ARMC8: variants seen among roughly 807,000 people sequenced by gnomAD.
The protein encoded by ARMC8 is armadillo repeat containing 8.
A neutral mutation model predicts 99.3 loss-of-function variants in ARMC8; 20 were observed. The observed-to-expected ratio is 0.20, with a 90% confidence interval of 0.14 to 0.29. The LOEUF (loss-of-function observed/expected upper bound fraction) is 0.29, where lower values mean the gene tolerates loss of function less well. ARMC8 is among the 10% of genes least tolerant of loss of function. The pLI is 1.00. For synonymous variants in ARMC8, 263 were observed against 278.3 expected (o/e 0.95, Z 0.55); for missense variants, 569 against 809.5 (o/e 0.70, Z 3.60).
chr3:138,277,007 C>T (rs1366289029), intron 18 of ARMC8, among the ~76,000 whole-genome samples: 9 of 152,108 alleles, frequency 5.9e-5, no homozygotes, highest in Admixed American at 5.9e-4. Context: ...TTCACAACAC[C>T]TTGTTTCAAG....
chr3:138,209,970 GA>G (rs2044602184), intron 2 of ARMC8, 77 bp downstream of exon 2: 4 of 1,119,942 alleles, frequency 3.6e-6, no homozygotes, highest in South Asian at 2.7e-5. Context: ...TTTTAATTTT[GA>G]AAATACAGGG....
rs148029712 is a variant in ARMC8 at position 138,292,656 on chromosome 3, G to A, written c.1988+2017G>A. Among the ~76,000 whole-genome samples, 461 of 152,270 alleles carry A rather than the reference G, an allele frequency of 3.0e-3. 6 individuals carry two copies. Among genetic ancestry groups the A allele is most frequent in the African/African-American group, 0.01 (419 of 41,550 alleles). On this transcript the variant is annotated intron_variant, in intron 21 of 21. Transcript: ENST00000469044. Reference sequence around the variant, plus strand: ...GGTGAGGAATATAGAAGTGGGTTGCGGTAGGGAGCATCAAGAGTTCTTGTT... The same window carrying A: ...GGTGAGGAATATAGAAGTGGGTTGCAGTAGGGAGCATCAAGAGTTCTTGTT...
rs2108306408 is a variant in ARMC8 at position 138,273,047 on chromosome 3, A to T, written c.1560A>T (p.Leu520Phe). 1 of 1,613,682 alleles carries T rather than the reference A, an allele frequency of 6.2e-7. No homozygotes were observed. The highest frequency in any genetic ancestry group is 8.5e-7 in the Non-Finnish European group (1 of 1,179,716). The change falls in exon 17 of 22, where the codon TTA becomes TTT. Residue 520 changes from leucine (L) to phenylalanine (F), a missense_variant. By Grantham distance (22) the Leu-to-Phe change is conservative. This residue lies in a region of ARMC8 where 227 missense variants were observed against 417.9 expected (regional missense o/e 0.54). Transcript: ENST00000469044. Reference protein sequence around the residue: ...SLSTEQLFRLLSDSDLNVLMK... With the variant: ...SLSTEQLFRLFSDSDLNVLMK... The stretch of plus-strand genomic sequence containing the variant: ...GTACTGAACAGCTATTCCGGTTATT[A>T]TCAGATTCAGATTTGAATGTGCTGA...
At chr3:138,223,165 T>C (rs771201600) in intron 3 of ARMC8, among the ~76,000 whole-genome samples, 9 of 152,216 alleles carry the variant, frequency 5.9e-5, no homozygotes, top group Non-Finnish European at 1.0e-4. Context: ...ATTTACACTT[T>C]TTATAAACTC....
intron 19 of ARMC8, chr3:138,287,907 T>G (rs2050580217): frequency 8.1e-6 from 2 of 246,404 alleles, no homozygotes; most frequent in Non-Finnish European, 1.6e-5. Flanking sequence ...GTTTATTTTA[T>G]TATTGAGTCC....
intron 6 of ARMC8, among the ~76,000 whole-genome samples, chr3:138,230,323 G>T (rs2045966955): frequency 6.6e-6 from 1 of 152,162 alleles, no homozygotes; most frequent in Admixed American, 6.6e-5. Flanking sequence ...CTGGCAAGTT[G>T]AGGAAGATGC....
chr3:138,228,650 A>G, intron 5 of ARMC8: 1 of 479,110 alleles, frequency 2.1e-6, no homozygotes, highest in Admixed American at 2.4e-5. Flanking sequence ...TTTTATCATG[A>G]GGATGTAGGC....
chr3:138,203,788 A>AAT (rs2044211009), intron 1 of ARMC8, among the ~76,000 whole-genome samples: 1 of 152,200 alleles, frequency 6.6e-6, no homozygotes, highest in African/African-American at 2.4e-5. Context: ...TCCACAATGG[A>AAT]ATACAACTCA....
chr3:138,286,115 G>T (rs1384090560), intron 19 of ARMC8, among the ~76,000 whole-genome samples: 1 of 152,048 alleles, frequency 6.6e-6, no homozygotes, highest in Non-Finnish European at 1.5e-5. Flanking sequence ...GCTAATTTTT[G>T]TATTTTTAGA....
Position 138,268,135 on chromosome 3 carries a change from C to T in ARMC8, c.1386+894C>T, listed in dbSNP as rs569282913. Among the ~76,000 whole-genome samples, 13 of 152,012 alleles carry T rather than the reference C, an allele frequency of 8.6e-5. No homozygotes were observed. The East Asian group carries it at 1.2e-3, about 14-fold the overall frequency. Reference sequence around the variant, plus strand: ...GTGCATGCTTGTAATCCCAGCTACTCGGGAGGCTGAGGCAAGAGAATCACT... The same window carrying T: ...GTGCATGCTTGTAATCCCAGCTACTTGGGAGGCTGAGGCAAGAGAATCACT... On this transcript the variant is annotated intron_variant, in intron 15 of 21. Transcript: ENST00000469044.
intron 21 of ARMC8, among the ~76,000 whole-genome samples, chr3:138,294,873 T>G (rs2051319781): frequency 6.6e-6 from 1 of 151,780 alleles, no homozygotes; most frequent in South Asian, 2.1e-4. Context: ...TTTGGTTTGT[T>G]TTTTGGGTTT....
At chr3:138,203,436 C>G (rs1040329613) in intron 1 of ARMC8, among the ~76,000 whole-genome samples, 1 of 152,216 alleles carries the variant, frequency 6.6e-6, no homozygotes, top group Non-Finnish European at 1.5e-5. Flanking sequence ...ACAGTGTCAT[C>G]TGAAGGCTCA....
chr3:138,195,248 G>T (rs1434543087), intron 1 of ARMC8, among the ~76,000 whole-genome samples: 1 of 149,160 alleles, frequency 6.7e-6, no homozygotes, highest in South Asian at 2.1e-4. Flanking sequence ...ACTGCAGTCC[G>T]CAGTCCGGCC....
At chr3:138,292,194 C>A (rs1424451545) in intron 21 of ARMC8, among the ~76,000 whole-genome samples, 1 of 152,116 alleles carries the variant, frequency 6.6e-6, no homozygotes, top group Non-Finnish European at 1.5e-5. Context: ...CCTGCCACCA[C>A]GCCCAGCTAA....
chr3:138,263,521 C>T (rs1296880156), intron 12 of ARMC8: 2 of 580,884 alleles, frequency 3.4e-6, no homozygotes, highest in Non-Finnish European at 6.2e-6. Flanking sequence ...ATAACCTGCC[C>T]CTTACGCCTG....
intron 10 of ARMC8, among the ~76,000 whole-genome samples, chr3:138,240,289 T>C (rs1372397468): frequency 6.6e-6 from 1 of 152,178 alleles, no homozygotes; most frequent in Non-Finnish European, 1.5e-5. Context: ...CACATTATCA[T>C]TGTTCAAAAG....
chr3:138,284,830 C>G (rs1176329417), intron 19 of ARMC8, among the ~76,000 whole-genome samples: 2 of 152,210 alleles, frequency 1.3e-5, no homozygotes, highest in Non-Finnish European at 2.9e-5. Context: ...CCTCCAGTCC[C>G]TGTCTTCTGT....
intron 1 of ARMC8, among the ~76,000 whole-genome samples, chr3:138,206,937 T>C (rs1439081971): frequency 6.6e-6 from 1 of 152,250 alleles, no homozygotes; most frequent in Non-Finnish European, 1.5e-5. Context: ...TGTCCTCTTA[T>C]ACCTTCTTTG....
At chr3:138,288,014 A>T (rs1044915629) in intron 19 of ARMC8, 5 of 168,016 alleles carry the variant, frequency 3.0e-5, no homozygotes, top group African/African-American at 9.6e-5. Context: ...ATTTAGAAGA[A>T]TAGGAGGCTC....
Sources: gnomAD v4.1 joint callset for allele counts (sites outside exome capture counted in the v4.1 genomes callset) on GRCh38, gnomAD v4.1.1 for gene constraint, gnomAD v4.1.1 regional missense constraint, MANE v1.5 for transcripts, NCBI Gene and HGNC (gene_info 2026-07-23, HGNC 2026-07-21) for gene names.